SETD1A: variants seen among roughly 807,000 people sequenced by gnomAD.
SETD1A encodes the protein SET domain containing 1A, histone lysine methyltransferase, also known as histone-lysine N-methyltransferase SETD1A.
SETD1A carries 29 observed loss-of-function variants against 149.9 expected under a neutral mutation model. The observed-to-expected ratio is 0.19, with a 90% CI of 0.14 to 0.26. The LOEUF (loss-of-function observed/expected upper bound fraction) is 0.26. SETD1A is among the 10% of genes least tolerant of loss of function. SETD1A has a pLI of 1.00. For missense variants in SETD1A, 2,109 were observed against 2,353.1 expected, an observed-to-expected ratio of 0.90 and a Z score of 2.15; for synonymous variants, 1,141 against 968.5, an observed-to-expected ratio of 1.18 and a Z score of -3.31.
rs984133025 is a variant in SETD1A, at chr16:30,983,486, C to G, written c.4813-149C>G. The G allele has an allele frequency of 1.1e-6, 1 of 911,318 alleles. No homozygotes were observed. The allele number at this position is 911,318 out of a possible 1,614,324, so 56.5% of individuals were successfully genotyped here. A position where few individuals can be genotyped will look rare whatever the true frequency, so the allele number is the denominator to read the frequency against. Reference sequence around the variant, plus strand: ...GAGGGAGGGCTCCTGGAAGCAGAGTCGAGAGAGTCAGTGCCGGGTTAGCGG... The same window carrying G: ...GAGGGAGGGCTCCTGGAAGCAGAGTGGAGAGAGTCAGTGCCGGGTTAGCGG... On this transcript the variant is annotated intron_variant, in intron 17 of 18. Transcript: ENST00000262519. The surrounding 1 kb of genome is among the most constrained non-coding windows in gnomAD (Gnocchi z 6.8).
At chr16:30,982,521 A>T (rs894423406) in intron 17 of SETD1A, among the ~76,000 whole-genome samples, 1 of 151,400 alleles carries the variant, frequency 6.6e-6, no homozygotes, top group Non-Finnish European at 1.5e-5. Context: ...AAAAGAAAAG[A>T]AAAAACAGGG....
Position 30,961,161 on chromosome 16 carries a change from T to G in SETD1A, c.247-106T>G, listed in dbSNP as rs1156676996. The stretch of plus-strand genomic sequence containing the variant: ...GGGCCCCTTCCCTTGCCCCTCACTT[T>G]CCCGGATCTCTCTCTTGACTTCATG... On this transcript the variant is annotated intron_variant, in intron 3 of 18. Transcript: ENST00000262519. The surrounding 1 kb of genome is among the most constrained non-coding windows in gnomAD (Gnocchi z 4.0). 7.4e-6 allele frequency: 9 copies of G among 1,214,698 alleles called. No homozygotes were observed. In the South Asian group the frequency reaches 1.2e-4, roughly 16 times the overall value. 75.2% of individuals were successfully genotyped at this position (1,214,698 alleles called of 1,614,324 possible). A position where few individuals can be genotyped will look rare whatever the true frequency, so the allele number is the denominator to read the frequency against.
intron 13 of SETD1A, 117 bp from the exon 14 acceptor site, chr16:30,979,028 C>T (rs1486854018): frequency 1.9e-6 from 2 of 1,063,870 alleles, no homozygotes; most frequent in South Asian, 1.7e-5. Flanking sequence ...TCTGTGTTCC[C>T]TCCGGGGTTC....
chr16:30,963,605 G>T, intron 5 of SETD1A, 51 bp downstream of exon 5: 1 of 1,566,572 alleles, frequency 6.4e-7, no homozygotes, highest in Non-Finnish European at 8.6e-7. Flanking sequence ...CATGGTGTCC[G>T]GGTGCCCGGA....
chr16:30,968,416 AT>A (rs1446685704), intron 10 of SETD1A, among the ~76,000 whole-genome samples: 9 of 25,430 alleles, frequency 3.5e-4, no homozygotes, highest in Admixed American at 5.9e-4. Flanking sequence ...AAAAAAAAAA[AT>A]ACATATATAT....
Position 30,980,124 on chromosome 16 carries a change from G to A in SETD1A, c.4338G>A (p.Thr1446=), listed in dbSNP as rs766559389. The A allele has an allele frequency of 1.7e-5, 27 of 1,612,366 alleles. No homozygotes were observed. The highest frequency in any genetic ancestry group is 9.9e-5 in the South Asian group (9 of 90,912). ...AGGACATGAGTTACCTGCGGCTTAC[G>A]TACGAGCGGCTGCTGCAGCAGACAA... is the stretch of plus-strand genomic sequence containing the variant. The part of the protein sequence containing the change: ...DSEDMSYLRL[T]YERLLQQTSG... Residue 1446 remains threonine, a synonymous_variant, in exon 14 of 19, where the codon ACG becomes ACA. Transcript: ENST00000262519. This position sits in a 1 kb window ranked among gnomAD's most constrained non-coding sequence, Gnocchi z 7.7.
Position 30,961,676 on chromosome 16 carries a change from A to C in SETD1A, c.517+139A>C. 2 of 773,788 alleles carry C rather than the reference A, an allele frequency of 2.6e-6. No individual in the cohort carries two copies. Among genetic ancestry groups the C allele is most frequent in the South Asian group, 3.5e-5 (2 of 57,316 alleles). The allele number at this position is 773,788 out of a possible 1,614,324, so 47.9% of individuals were successfully genotyped here. A position where few individuals can be genotyped will look rare whatever the true frequency, so the allele number is the denominator to read the frequency against. ...AGTTGTGTTTCTGAAATCAGATCAGATTTTAGAGTGGAATTATGGTACATG... is the reference window on the plus strand; with the variant it reads ...AGTTGTGTTTCTGAAATCAGATCAGCTTTTAGAGTGGAATTATGGTACATG... On this transcript the variant is annotated intron_variant, in intron 4 of 18. Transcript: ENST00000262519. This position sits in a 1 kb window ranked among gnomAD's most constrained non-coding sequence, Gnocchi z 4.0.
At chr16:30,981,541 AT>A (rs1250131518) in intron 17 of SETD1A, among the ~76,000 whole-genome samples, 2 of 152,110 alleles carry the variant, frequency 1.3e-5, no homozygotes, top group African/African-American at 4.8e-5. Context: ...TGCCCAGCTA[AT>A]TTTTGTATTT....
At chr16:30,958,444 C>G (rs1011005422) in intron 1 of SETD1A, 3 of 387,108 alleles carry the variant, frequency 7.7e-6, no homozygotes, top group Non-Finnish European at 1.4e-5. Context: ...TGCTCCGAGG[C>G]CAAGTGGGGC....
chr16:30,959,420 G>A (rs2305884), intron 3 of SETD1A, among the ~76,000 whole-genome samples: 80,234 of 151,938 alleles, frequency 0.53, 23,507 homozygotes, highest in East Asian at 0.91. Flanking sequence ...CTTCTTGAAG[G>A]GTGAGGTAAA....
At chr16:30,960,734 T>C (rs2125295) in intron 3 of SETD1A, among the ~76,000 whole-genome samples, 153 of 136,372 alleles carry the variant, frequency 1.1e-3, no homozygotes, top group South Asian at 9.2e-3. Flanking sequence ...TTCTTTCTTT[T>C]TTTTTTTTTT....
intron 3 of SETD1A, among the ~76,000 whole-genome samples, chr16:30,959,643 C>G (rs537081122): frequency 6.6e-6 from 1 of 152,190 alleles, no homozygotes; most frequent in Non-Finnish European, 1.5e-5. Flanking sequence ...AGATATTCTT[C>G]AGGCCTTGAA....
chr16:30,958,392 G>A (rs1181437288), intron 1 of SETD1A: 1 of 228,416 alleles, frequency 4.4e-6, no homozygotes, highest in Non-Finnish European at 8.6e-6. Flanking sequence ...CCGGTGAGGA[G>A]GCGGGAGGGG....
rs1184373621 is a variant in SETD1A, at chr16:30,971,627, C to T, written c.3266C>T (p.Pro1089Leu). The part of the protein sequence containing the change: ...PPPREVPVPT[P>L]APVEVPVPER... The stretch of plus-strand genomic sequence containing the variant: ...CCCAGAGAAGTCCCAGTGCCCACGC[C>T]AGCACCTGTGGAGGTGCCAGTGCCG... Residue 1089 changes from proline (P) to leucine (L), a missense_variant, in exon 13 of 19, where the codon CCA becomes CTA. By Grantham distance (98) the Pro-to-Leu change is moderately conservative (BLOSUM62 -3). Around this residue, in one of 8 missense-constraint regions of SETD1A, gnomAD observed 832 missense variants for 815.6 expected, o/e 1.02. Transcript: ENST00000262519. 1 of 1,613,680 alleles carries T rather than the reference C, an allele frequency of 6.2e-7. No homozygotes were observed. The highest frequency in any genetic ancestry group is 8.5e-7 in the Non-Finnish European group (1 of 1,179,810).
chr16:30,971,496 C>CTCCTCCTCGTCCTCA lies in SETD1A; in HGVS notation c.3150_3164dup (p.Ser1054_Ser1058dup), dbSNP rs750722920. The CTCCTCCTCGTCCTCA allele has an allele frequency of 3.1e-6, 5 of 1,614,048 alleles. No homozygotes were observed. The highest frequency in any genetic ancestry group is 4.5e-5 in the East Asian group (2 of 44,858). ...GCTCTTCCAGCTCCTCATCCTCCTCCTCCTCCTCGTCCTCATCCTCCTCGT... is the reference window on the plus strand; with the variant it reads ...GCTCTTCCAGCTCCTCATCCTCCTCCTCCTCCTCGTCCTCATCCTCCTCGTCCTCATCCTCCTCGT... On this transcript the variant is annotated inframe_insertion, in exon 13 of 19. Coordinates refer to ENST00000262519, the MANE Select transcript of SETD1A (RefSeq NM_014712.3).
In SETD1A at chr16:30,974,440, G is replaced by C. The variant is rs116933065; in HGVS notation, c.3358+2721G>C. Among the ~76,000 whole-genome samples, 224 of 152,240 alleles carry C rather than the reference G, an allele frequency of 1.5e-3. 6 individuals carry two copies. In the East Asian group the frequency reaches 0.041, roughly 28 times the overall value. On this transcript the variant is annotated intron_variant, in intron 13 of 18. Transcript: ENST00000262519. The stretch of plus-strand genomic sequence containing the variant: ...GCCTTCCCATCCTGTGAGAGCAGTG[G>C]GCAAGCAGGGCCCGAGGAGGCTGAG...
intron 6 of SETD1A, 43 bp from the exon 7 acceptor site, chr16:30,964,569 C>T: frequency 1.3e-6 from 2 of 1,588,602 alleles, no homozygotes; most frequent in Non-Finnish European, 1.7e-6. Context: ...GTGGTTTGGT[C>T]ATAGAGAGCT....
At chr16:30,959,781 A>C (rs1158670634) in intron 3 of SETD1A, among the ~76,000 whole-genome samples, 3 of 143,730 alleles carry the variant, frequency 2.1e-5, no homozygotes, top group Admixed American at 7.0e-5. Flanking sequence ...TGTACACTTC[A>C]CTTGGACAAT....
In SETD1A at chr16:30,980,407, G is replaced by T. The variant is rs1399398662; in HGVS notation, c.4409-78G>T. ...TGTCCCTCACCTGGGTATGCTCAGC[G>T]GCGTGGGCCCCGCCCTCTCCTTTGG... On this transcript the variant is annotated intron_variant, in intron 14 of 18. Transcript: ENST00000262519. This position sits in a 1 kb window ranked among gnomAD's most constrained non-coding sequence, Gnocchi z 7.7. 1 of 1,529,404 alleles carries T rather than the reference G, an allele frequency of 6.5e-7. No homozygotes were observed. The highest frequency in any genetic ancestry group is 8.8e-7 in the Non-Finnish European group (1 of 1,131,162). The allele number at this position is 1,529,404 out of a possible 1,614,324, so 94.7% of individuals were successfully genotyped here. A position where few individuals can be genotyped will look rare whatever the true frequency, so the allele number is the denominator to read the frequency against.
Sources: allele counts gnomAD v4.1 joint callset (sites outside exome capture counted in the v4.1 genomes callset), GRCh38; gene constraint gnomAD v4.1.1; regional missense constraint gnomAD v4.1.1; non-coding constraint Gnocchi (gnomAD v3.1); transcripts MANE v1.5; gene names NCBI Gene and HGNC (gene_info 2026-07-23, HGNC 2026-07-21).